PLXNA2: variants seen among roughly 807,000 people sequenced by gnomAD.
The protein encoded by PLXNA2 is plexin-A2.
In PLXNA2, 91 loss-of-function variants were observed where a neutral mutation model predicts 193.5. The ratio of observed to expected loss-of-function variants is 0.47; its 90% CI spans 0.40 to 0.56. The LOEUF is 0.56. Among genes scored for constraint, PLXNA2 ranks in the 20% least tolerant of loss-of-function variants. The pLI is 0.00. For synonymous variants in PLXNA2, 997 were observed against 1,027.3 expected (o/e 0.97, Z 0.56); for missense variants, 1,995 against 2,503.2 (o/e 0.80, Z 4.33).
intron 5 of PLXNA2, among the ~76,000 whole-genome samples, 192 bp downstream of exon 5, chr1:208,102,955 C>A (rs532758026): frequency 6.2e-4 from 95 of 152,356 alleles, no homozygotes; most frequent in African/African-American, 2.3e-3. Flanking sequence ...GAGGCAAAGA[C>A]CCTGCACTTA....
intron 3 of PLXNA2, among the ~76,000 whole-genome samples, chr1:208,167,849 A>G (rs950320388): frequency 1.4e-4 from 22 of 152,314 alleles, no homozygotes; most frequent in Admixed American, 7.8e-4. Context: ...CAGACTCAGC[A>G]GACACAAACA....
intron 4 of PLXNA2, among the ~76,000 whole-genome samples, chr1:208,135,914 C>T (rs1386351710): frequency 6.6e-6 from 1 of 152,142 alleles, no homozygotes; most frequent in African/African-American, 2.4e-5. Flanking sequence ...AAAGCCAAGT[C>T]ACAAAAAGGC....
chr1:208,220,599 ATT>A (rs71303058), intron 1 of PLXNA2, among the ~76,000 whole-genome samples: 15 of 139,876 alleles, frequency 1.1e-4, no homozygotes, highest in South Asian at 2.3e-4. Flanking sequence ...CACCCGCCTA[ATT>A]TTTTTTTTTT....
intron 6 of PLXNA2, 89 bp downstream of exon 6, chr1:208,098,757 C>T: frequency 6.9e-7 from 1 of 1,447,192 alleles, no homozygotes; most frequent in South Asian, 1.3e-5. Context: ...GATCAATTTA[C>T]AGATACTTGT....
chr1:208,212,104 G>C (rs1441356038), intron 2 of PLXNA2, among the ~76,000 whole-genome samples: 6 of 152,194 alleles, frequency 3.9e-5, no homozygotes, highest in Non-Finnish European at 2.9e-5. Context: ...TCCCAGAGGA[G>C]GAAGGAAATG....
At chr1:208,134,100 T>C (rs1668236010) in intron 4 of PLXNA2, among the ~76,000 whole-genome samples, 2 of 152,222 alleles carry the variant, frequency 1.3e-5, no homozygotes, top group Admixed American at 1.3e-4. Context: ...GGGCATTGTA[T>C]TCAATCATTT....
At chr1:208,090,139 G>T (rs1468093599) in intron 9 of PLXNA2, among the ~76,000 whole-genome samples, 1 of 152,204 alleles carries the variant, frequency 6.6e-6, no homozygotes, top group African/African-American at 2.4e-5. Flanking sequence ...CCTGAGCAAA[G>T]TTGGGAGCTG....
rs1415993025 is a variant in PLXNA2, at chr1:208,194,218, A to T, written c.1371+16062T>A. Among the ~76,000 whole-genome samples, 12 of 151,900 alleles carry T rather than the reference A, an allele frequency of 7.9e-5. No individual in the cohort carries two copies. The South Asian group carries it at 2.3e-3, about 29-fold the overall frequency. On this transcript the variant is annotated intron_variant, in intron 3 of 31. Coordinates refer to ENST00000367033, the MANE Select transcript of PLXNA2 (RefSeq NM_025179.4). ...TGCTACTAGATGCAAATCAATTTCC[A>T]AGTTCACAGTGATGGGAAAACTAGA...
chr1:208,041,962 G>A (rs1664884361), intron 22 of PLXNA2, 136 bp downstream of exon 22: 2 of 901,606 alleles, frequency 2.2e-6, no homozygotes, highest in Non-Finnish European at 1.7e-6. Context: ...GAGACGTGAG[G>A]ACACAGGCTG....
chr1:208,098,210 G>T (rs1666969508), intron 6 of PLXNA2, among the ~76,000 whole-genome samples: 1 of 152,148 alleles, frequency 6.6e-6, no homozygotes, highest in South Asian at 2.1e-4. Flanking sequence ...AGCTCCTGGT[G>T]GGGATGAATG....
chr1:208,067,590 A>G (rs1053782041), intron 12 of PLXNA2, among the ~76,000 whole-genome samples: 16 of 152,054 alleles, frequency 1.1e-4, no homozygotes, highest in African/African-American at 3.9e-4. Context: ...CTTTTATATC[A>G]TATTTTTACC....
chr1:208,167,434 T>C (rs1669344881), intron 3 of PLXNA2, among the ~76,000 whole-genome samples: 1 of 152,190 alleles, frequency 6.6e-6, no homozygotes, highest in South Asian at 2.1e-4. Context: ...TATAATTAAA[T>C]ATCAACACGT....
At chr1:208,211,380 A>T (rs923326179) in intron 2 of PLXNA2, among the ~76,000 whole-genome samples, 2 of 152,148 alleles carry the variant, frequency 1.3e-5, no homozygotes, top group Non-Finnish European at 2.9e-5. Context: ...GTTTGAAAGA[A>T]GATCACCTTG....
At chr1:208,113,991 T>C (rs1020048760) in intron 4 of PLXNA2, among the ~76,000 whole-genome samples, 3 of 152,148 alleles carry the variant, frequency 2.0e-5, no homozygotes, top group African/African-American at 7.2e-5. Flanking sequence ...TCTTTGCTGT[T>C]GTTGAATAGA....
chr1:208,039,841 G>C (rs985288059), intron 23 of PLXNA2, 74 bp from the exon 24 acceptor site: 2 of 1,607,386 alleles, frequency 1.2e-6, no homozygotes, highest in African/African-American at 1.3e-5. Flanking sequence ...TCCTCTCTCG[G>C]AGCGAGGCCA....
chr1:208,038,753 T>C lies in PLXNA2; in HGVS notation c.4660+72A>G. ...GGACACAGTCATGCCCCTGCAAGGG[T>C]TGTGTGCATGGCAGCTTCCCTTCCT... On this transcript the variant is annotated intron_variant, in intron 25 of 31. Coordinates refer to ENST00000367033, the MANE Select transcript of PLXNA2 (RefSeq NM_025179.4). This position sits in a 1 kb window ranked among gnomAD's most constrained non-coding sequence, Gnocchi z 4.1. The C allele has an allele frequency of 2.0e-6, 3 of 1,471,838 alleles. No individual in the cohort carries two copies. The highest frequency in any genetic ancestry group is 2.8e-6 in the Non-Finnish European group (3 of 1,063,970). The allele number at this position is 1,471,838 out of a possible 1,614,324, so 91.2% of individuals were successfully genotyped here.
chr1:208,053,623 C>T (rs915404770), intron 14 of PLXNA2, among the ~76,000 whole-genome samples: 1 of 152,318 alleles, frequency 6.6e-6, no homozygotes, highest in African/African-American at 2.4e-5. Context: ...GCTGGTTTGA[C>T]CCCATCTGCT....
chr1:208,081,249 C>T (rs779972765), intron 11 of PLXNA2, among the ~76,000 whole-genome samples: 7 of 152,226 alleles, frequency 4.6e-5, no homozygotes, highest in Non-Finnish European at 8.8e-5. Flanking sequence ...CTCCTGGCTC[C>T]GTTCCTTTCT....
chr1:208,231,310 G>T (rs111798555), intron 1 of PLXNA2, among the ~76,000 whole-genome samples: 1 of 152,070 alleles, frequency 6.6e-6, no homozygotes, highest in Non-Finnish European at 1.5e-5. Flanking sequence ...GAGAGAAGCC[G>T]GGAAAAGGGT....
Sources: gnomAD v4.1 joint callset for allele counts (sites outside exome capture counted in the v4.1 genomes callset) on GRCh38, gnomAD v4.1.1 for gene constraint, Gnocchi (gnomAD v3.1) non-coding constraint, MANE v1.5 for transcripts, NCBI Gene and HGNC (gene_info 2026-07-23, HGNC 2026-07-21) for gene names.